Variants in CACNA2D1 observed in about 807,000 individuals in gnomAD.
The protein encoded by CACNA2D1 is calcium voltage-gated channel auxiliary subunit alpha2delta 1, also known as voltage-dependent calcium channel subunit alpha-2/delta-1.
In CACNA2D1, 53 loss-of-function variants were observed where a neutral mutation model predicts 171.5. That is an observed-to-expected ratio of 0.31 (90% confidence interval 0.25 to 0.39). The LOEUF (loss-of-function observed/expected upper bound fraction) is 0.39. Among genes scored for constraint, CACNA2D1 ranks in the 10% least tolerant of loss-of-function variants. The pLI, the probability that CACNA2D1 is intolerant of heterozygous loss-of-function variation, is 1.00. For synonymous variants in CACNA2D1, 442 were observed against 443.1 expected, an observed-to-expected ratio of 1.00 and a Z score of 0.03; for missense variants, 903 against 1,299.8, an observed-to-expected ratio of 0.69 and a Z score of 4.69.
At chr7:82,180,323 C>T (rs2237515) in intron 3 of CACNA2D1, among the ~76,000 whole-genome samples, 19,254 of 152,086 alleles carry the variant, frequency 0.13, 1,567 homozygotes, top group African/African-American at 0.21. Context: ...CCATTGCATA[C>T]ACCATAGGCC....
At chr7:82,046,730 G>A (rs181925738) in intron 10 of CACNA2D1, among the ~76,000 whole-genome samples, 1 of 152,112 alleles carries the variant, frequency 6.6e-6, no homozygotes, top group East Asian at 1.9e-4. Flanking sequence ...TAGATAAAAT[G>A]GAATACAATT....
At chr7:81,952,255 G>A (rs1792690636) in intron 38 of CACNA2D1, among the ~76,000 whole-genome samples, 1 of 151,796 alleles carries the variant, frequency 6.6e-6, no homozygotes, top group Non-Finnish European at 1.5e-5. Flanking sequence ...CAAAATAATA[G>A]GTTGAACAAT....
intron 34 of CACNA2D1, among the ~76,000 whole-genome samples, chr7:81,962,788 ATGTC>A (rs767632914): frequency 2.4e-4 from 36 of 151,984 alleles, no homozygotes; most frequent in Non-Finnish European, 4.0e-4. Flanking sequence ...AAGAGGGAGA[ATGTC>A]TGTTTCAGCG....
At chr7:82,188,356 A>G (rs753674814) in intron 3 of CACNA2D1, among the ~76,000 whole-genome samples, 5 of 152,158 alleles carry the variant, frequency 3.3e-5, no homozygotes, top group Non-Finnish European at 7.4e-5. Context: ...CTGGTAGGTG[A>G]GATAATTTAA....
At chr7:82,333,784 T>C (rs933007021) in intron 3 of CACNA2D1, among the ~76,000 whole-genome samples, 1 of 151,600 alleles carries the variant, frequency 6.6e-6, no homozygotes, top group Admixed American at 6.6e-5. Context: ...AAAAAATAAT[T>C]TGAAATGCAG....
At chr7:82,185,056 A>G (rs12707477) in intron 3 of CACNA2D1, among the ~76,000 whole-genome samples, 358 of 152,248 alleles carry the variant, frequency 2.4e-3, no homozygotes, top group Non-Finnish European at 4.4e-3. Flanking sequence ...TCTCTACCCT[A>G]CCTGATGAAA....
intron 3 of CACNA2D1, among the ~76,000 whole-genome samples, chr7:82,203,456 T>A (rs1799689583): frequency 6.6e-6 from 1 of 152,120 alleles, no homozygotes; most frequent in Non-Finnish European, 1.5e-5. Context: ...AGCCCCACCA[T>A]ATGTCATGGT....
At chr7:82,209,566 A>G (rs1415674655) in intron 3 of CACNA2D1, among the ~76,000 whole-genome samples, 1 of 152,138 alleles carries the variant, frequency 6.6e-6, no homozygotes, top group Non-Finnish European at 1.5e-5. Flanking sequence ...CCATGAATAT[A>G]AAATAGGGAA....
intron 13 of CACNA2D1, among the ~76,000 whole-genome samples, chr7:82,014,040 A>G (rs2130945743): frequency 6.6e-6 from 1 of 152,054 alleles, no homozygotes; most frequent in Admixed American, 6.5e-5. Flanking sequence ...TAATTAAACC[A>G]CTCAGAGAAA....
chr7:82,440,664 A>G (rs1211908277), intron 1 of CACNA2D1, among the ~76,000 whole-genome samples: 2 of 151,896 alleles, frequency 1.3e-5, no homozygotes, highest in Non-Finnish European at 3.0e-5. Flanking sequence ...TAACTCTTAG[A>G]ACAGGTTAAC....
At chr7:82,245,563 C>T (rs1804807325) in intron 3 of CACNA2D1, among the ~76,000 whole-genome samples, 1 of 151,904 alleles carries the variant, frequency 6.6e-6, no homozygotes, top group African/African-American at 2.4e-5. Flanking sequence ...AATACAACCC[C>T]AAATTTTCCT....
At chr7:82,432,053 A>AAAAAAAAAAAAAAAAAAAT (rs1829733789) in intron 1 of CACNA2D1, among the ~76,000 whole-genome samples, 2 of 151,442 alleles carry the variant, frequency 1.3e-5, no homozygotes, top group African/African-American at 4.9e-5. Context: ...AAAAAAAAAA[A>AAAAAAAAAAAAAAAAAAAT]AAAAATTGGA....
intron 3 of CACNA2D1, among the ~76,000 whole-genome samples, chr7:82,277,905 C>T (rs940083118): frequency 2.0e-5 from 3 of 151,678 alleles, no homozygotes; most frequent in African/African-American, 7.3e-5. Context: ...GCCACCACAC[C>T]GGGCTAATTT....
intron 4 of CACNA2D1, among the ~76,000 whole-genome samples, chr7:82,139,684 T>C (rs1274577804): frequency 6.6e-6 from 1 of 152,074 alleles, no homozygotes; most frequent in Non-Finnish European, 1.5e-5. Context: ...TTAAGTAAAC[T>C]GAAGAAACAA....
rs1415047901 is a variant in CACNA2D1 at position 81,982,618 on chromosome 7, G to A, written c.1904C>T (p.Thr635Ile). 1 of 1,600,820 alleles carries A rather than the reference G, an allele frequency of 6.2e-7. No individual in the cohort carries two copies. Among genetic ancestry groups the A allele is most frequent in the Non-Finnish European group, 8.6e-7 (1 of 1,168,358 alleles). The part of the protein sequence containing the change: ...SKKGKMKDSE[T>I]LKPDNFEESG... ...TTCTTCAAAATTATCTGGCTTCAGG[G>A]TTTCCGAATCTGCAAAGATAATGTT... is the stretch of plus-strand genomic sequence containing the variant. The change falls in exon 24 of 39, where the codon ACC (threonine) becomes ATC (isoleucine). Residue 635 changes from threonine to isoleucine, a missense_variant. Coordinates refer to ENST00000356860, the MANE Select transcript of CACNA2D1 (RefSeq NM_000722.4).
At chr7:82,336,280 T>A (rs1349434743) in intron 2 of CACNA2D1, among the ~76,000 whole-genome samples, 1 of 152,188 alleles carries the variant, frequency 6.6e-6, no homozygotes, top group Non-Finnish European at 1.5e-5. Context: ...TGCGCACTGA[T>A]AACACTGGTG....
At chr7:82,431,777 C>T (rs1280367163) in intron 1 of CACNA2D1, among the ~76,000 whole-genome samples, 3 of 119,672 alleles carry the variant, frequency 2.5e-5, no homozygotes, top group South Asian at 3.0e-4. Context: ...CAGTGGCTCA[C>T]GCCTGTAACC....
intron 3 of CACNA2D1, among the ~76,000 whole-genome samples, chr7:82,310,521 G>T (rs73704213): frequency 0.024 from 3,675 of 152,062 alleles, 167 homozygotes; most frequent in African/African-American, 0.082. Context: ...TTGTTAAATT[G>T]AGCCTTCATA....
At chr7:81,970,988 G>A in intron 26 of CACNA2D1, 3 of 479,546 alleles carry the variant, frequency 6.3e-6, no homozygotes, top group Non-Finnish European at 7.6e-6. Context: ...CAATGACACA[G>A]AAAGCAGGAA....
Sources: gnomAD v4.1 joint callset for allele counts (sites outside exome capture counted in the v4.1 genomes callset) on GRCh38, gnomAD v4.1.1 for gene constraint, MANE v1.5 for transcripts, NCBI Gene and HGNC (gene_info 2026-07-23, HGNC 2026-07-21) for gene names.